Variants in BEGAIN observed in about 807,000 individuals in gnomAD.
BEGAIN encodes brain enriched guanylate kinase associated, also known as brain-enriched guanylate kinase-associated protein.
In BEGAIN, 19 loss-of-function variants were observed where a neutral mutation model predicts 35.8. That is an observed-to-expected ratio of 0.53 (90% CI 0.37 to 0.78). The LOEUF is 0.78. BEGAIN is among the 30% of genes least tolerant of loss of function. The pLI, the probability that BEGAIN is intolerant of heterozygous loss-of-function variation, is 0.00. For missense variants in BEGAIN, 795 were observed against 853.6 expected (o/e 0.93, Z 0.85); for synonymous variants, 462 against 388.6 (o/e 1.19, Z -2.22).
At chr14:100,574,089 C>T (rs1018639718) in intron 1 of BEGAIN, among the ~76,000 whole-genome samples, 4 of 152,192 alleles carry the variant, frequency 2.6e-5, no homozygotes, top group Admixed American at 2.0e-4. Flanking sequence ...TCGTGAACCC[C>T]AGGCATCCCC....
Position 100,538,028 on chromosome 14 carries a change from C to T in BEGAIN, c.1780G>A (p.Gly594Arg), listed in dbSNP as rs1031054741. ...GTGAGGCTGTCCTTGCGGCTCAGCC[C>T]CGAGCCACCAGTCCGCGGAAAGGCC... Reference protein sequence around the residue: ...QQAFPRTGGSGLSRKDSLTKA... With the variant: ...QQAFPRTGGSRLSRKDSLTKA... The change falls in exon 7 of 7, where the codon GGG (glycine) becomes AGG (arginine). Residue 594 changes from glycine to arginine, a missense_variant. Transcript: ENST00000554140. The T allele has an allele frequency of 1.2e-6, 2 of 1,608,298 alleles. No individual in the cohort carries two copies. The highest frequency in any genetic ancestry group is 1.7e-6 in the Non-Finnish European group (2 of 1,178,460).
intron 2 of BEGAIN, among the ~76,000 whole-genome samples, chr14:100,553,188 C>T (rs1030431543): frequency 1.3e-5 from 2 of 152,074 alleles, no homozygotes; most frequent in African/African-American, 4.8e-5. Context: ...GGAAGGAGAA[C>T]GGGATGCTCA....
At chr14:100,584,359 G>T (rs1447128354) in intron 1 of BEGAIN, among the ~76,000 whole-genome samples, 1 of 152,210 alleles carries the variant, frequency 6.6e-6, no homozygotes, top group African/African-American at 2.4e-5. Flanking sequence ...TGAGGCAAGG[G>T]CCACTTTTGA....
chr14:100,568,313 C>T lies in BEGAIN; in HGVS notation c.43-374G>A, dbSNP rs1241979911. The T allele has an allele frequency of 2.6e-6, 2 of 756,884 alleles. No individual in the cohort carries two copies. The highest frequency in any genetic ancestry group is 1.8e-5 in the African/African-American group (1 of 54,372). 46.9% of individuals were successfully genotyped at this position (756,884 alleles called of 1,614,324 possible). ...GCGGCCGCGGCCCCGCTGCTCCCCC[C>T]GCCCCGCCCGTTAACCCTTCCTGCC... On this transcript the variant is annotated intron_variant, in intron 1 of 6. Coordinates refer to ENST00000554140, the MANE Select transcript of BEGAIN (RefSeq NM_001385089.1). This position sits in a 1 kb window ranked among gnomAD's most constrained non-coding sequence, Gnocchi z 7.5.
intron 1 of BEGAIN, among the ~76,000 whole-genome samples, chr14:100,571,059 C>T (rs1179652780): frequency 6.6e-6 from 1 of 151,750 alleles, no homozygotes; most frequent in African/African-American, 2.4e-5. Flanking sequence ...AGGGTGCACA[C>T]TGGGTGCCCT....
At chr14:100,561,414 C>T (rs2034243489) in intron 2 of BEGAIN, among the ~76,000 whole-genome samples, 1 of 152,184 alleles carries the variant, frequency 6.6e-6, no homozygotes, top group Non-Finnish European at 1.5e-5. Context: ...CTATTACTAC[C>T]CCCATTTACA....
chr14:100,571,078 A>AGTCCTC (rs1313530797), intron 1 of BEGAIN, among the ~76,000 whole-genome samples: 1 of 152,132 alleles, frequency 6.6e-6, no homozygotes, highest in Non-Finnish European at 1.5e-5. Context: ...CTCGGGGGAC[A>AGTCCTC]GTCCTCATGG....
rs557393832 is a variant in BEGAIN at position 100,538,834 on chromosome 14, G to A, written c.974C>T (p.Thr325Met). The change falls in exon 7 of 7, where the codon ACG (threonine) becomes ATG (methionine). Residue 325 changes from threonine (T) to methionine (M), a missense_variant. Physicochemically the swap from Thr to Met is moderately conservative, Grantham distance 81. This residue lies in a region of BEGAIN where 664 missense variants were observed against 647.7 expected (regional missense o/e 1.03). Transcript: ENST00000554140. ...TSSSYSSFSATSEEKEHAQAS... is the reference protein window; with the variant it reads ...TSSSYSSFSAMSEEKEHAQAS... Reference sequence around the variant, plus strand: ...CTGCGCGTGCTCCTTCTCCTCCGACGTGGCGCTGAAGCTGGAGTAGGAGCT... The same window carrying A: ...CTGCGCGTGCTCCTTCTCCTCCGACATGGCGCTGAAGCTGGAGTAGGAGCT... 9.3e-6 allele frequency: 15 copies of A among 1,605,806 alleles called. No individual in the cohort carries two copies. The highest frequency in any genetic ancestry group is 1.7e-5 in the Admixed American group (1 of 58,702).
At chr14:100,580,712 G>C (rs183408372) in intron 1 of BEGAIN, among the ~76,000 whole-genome samples, 3 of 152,246 alleles carry the variant, frequency 2.0e-5, no homozygotes, top group Admixed American at 1.3e-4. Context: ...TTTATTATCT[G>C]TGTGTGTGTC....
chr14:100,564,326 C>T (rs770168601), intron 2 of BEGAIN, among the ~76,000 whole-genome samples: 8 of 152,078 alleles, frequency 5.3e-5, no homozygotes, highest in Non-Finnish European at 8.8e-5. Context: ...GGACACCAAA[C>T]AGGAGTAGCT....
rs1273712062 is a variant in BEGAIN at position 100,558,726 on chromosome 14, C to T, written c.71+9185G>A. ...CTCCTCTCTTTCTCTCCCCATCCTT[C>T]CCAGGGTATACCAGGAGCCTCACCT... is the stretch of plus-strand genomic sequence containing the variant. On this transcript the variant is annotated intron_variant, in intron 2 of 6. Coordinates refer to ENST00000554140, the MANE Select transcript of BEGAIN (RefSeq NM_001385089.1). This position sits in a 1 kb window ranked among gnomAD's most constrained non-coding sequence, Gnocchi z 4.6. Among the ~76,000 whole-genome samples the T allele has an allele frequency of 6.6e-6, 1 of 152,212 alleles. No homozygotes were observed. Among genetic ancestry groups the T allele is most frequent in the African/African-American group, 2.4e-5 (1 of 41,436 alleles).
chr14:100,540,561 A>G lies in BEGAIN; in HGVS notation c.427T>C (p.Cys143Arg). The change falls in exon 6 of 7, where the codon TGC (cysteine) becomes CGC (arginine). Residue 143 changes from cysteine to arginine, a missense_variant. By Grantham distance (180) the Cys-to-Arg change is radical. Transcript: ENST00000554140. ...SEDNELYRKD[C>R]NLAAQLLQCS... ...TGCAGCAGCTGGGCCGCTAGATTGC[A>G]GTCCTTCCTATAGAGCTCCTAAAAG... The G allele has an allele frequency of 1.9e-6, 3 of 1,605,928 alleles. No individual in the cohort carries two copies. The highest frequency in any genetic ancestry group is 1.7e-6 in the Non-Finnish European group (2 of 1,176,158).
At chr14:100,547,017 C>G (rs2032614919) in intron 2 of BEGAIN, 1 of 185,414 alleles carries the variant, frequency 5.4e-6, no homozygotes, top group South Asian at 1.5e-4. Flanking sequence ...GACCCAGGTA[C>G]AAAGAGCACC....
At chr14:100,556,860 C>T (rs2033774161) in intron 2 of BEGAIN, among the ~76,000 whole-genome samples, 2 of 152,164 alleles carry the variant, frequency 1.3e-5, no homozygotes, top group South Asian at 4.1e-4. Flanking sequence ...GCAGAGCCGC[C>T]CGGGGCAGCA....
intron 2 of BEGAIN, among the ~76,000 whole-genome samples, chr14:100,561,557 T>C (rs10141535): frequency 0.21 from 32,278 of 151,854 alleles, 4,142 homozygotes; most frequent in East Asian, 0.53. Flanking sequence ...GAGACCAGCC[T>C]GGGCGACATG....
At chr14:100,545,571 G>A in intron 3 of BEGAIN, 3 of 376,628 alleles carry the variant, frequency 8.0e-6, no homozygotes, top group Non-Finnish European at 1.1e-5. Context: ...GGAATCAGGT[G>A]CTTGGAGATT....
At chr14:100,549,197 G>C (rs1044351944) in intron 2 of BEGAIN, 1 of 152,194 alleles carries the variant, frequency 6.6e-6, no homozygotes, top group Admixed American at 6.5e-5. Context: ...CTGGGGCCCC[G>C]GTTTGCACCT....
intron 2 of BEGAIN, among the ~76,000 whole-genome samples, chr14:100,556,026 G>A (rs2033688376): frequency 6.6e-6 from 1 of 152,182 alleles, no homozygotes; most frequent in African/African-American, 2.4e-5. Context: ...TATGTAGTGA[G>A]GGAGGGGACT....
chr14:100,571,162 C>G (rs1471326432), intron 1 of BEGAIN, among the ~76,000 whole-genome samples: 1 of 152,206 alleles, frequency 6.6e-6, no homozygotes, highest in Non-Finnish European at 1.5e-5. Flanking sequence ...ACACACCTCT[C>G]CCCACCGTCT....
Sources: allele counts gnomAD v4.1 joint callset (sites outside exome capture counted in the v4.1 genomes callset), GRCh38; gene constraint gnomAD v4.1.1; regional missense constraint gnomAD v4.1.1; non-coding constraint Gnocchi (gnomAD v3.1); transcripts MANE v1.5; gene names NCBI Gene and HGNC (gene_info 2026-07-23, HGNC 2026-07-21).